The following PRRC2C variants were observed in gnomAD, a reference collection of about 807,000 sequenced individuals.
The protein encoded by PRRC2C is protein PRRC2C.
A neutral mutation model predicts 317.2 loss-of-function variants in PRRC2C; 72 were observed. That is an observed-to-expected ratio of 0.23 (90% CI 0.19 to 0.28). PRRC2C has a LOEUF of 0.28. Ranked by LOEUF, PRRC2C falls within the 10% of genes least tolerant of loss-of-function variation. The pLI is 1.00. For missense variants in PRRC2C, 3,074 were observed against 3,459.7 expected (o/e 0.89, Z 2.80); for synonymous variants, 1,296 against 1,205.9 (o/e 1.07, Z -1.55).
At chr1:171,516,732 C>T (rs931063426) in intron 5 of PRRC2C, among the ~76,000 whole-genome samples, 7 of 152,166 alleles carry the variant, frequency 4.6e-5, no homozygotes, top group African/African-American at 1.7e-4. Flanking sequence ...GACTCTCTCT[C>T]AAAGCCGCGA....
At chr1:171,560,394 A>G (rs1050061123) in intron 19 of PRRC2C, among the ~76,000 whole-genome samples, 1 of 48,554 alleles carries the variant, frequency 2.1e-5, no homozygotes, top group Admixed American at 1.7e-4. Flanking sequence ...TGATTAAACA[A>G]TGGGATTTGA....
At chr1:171,554,379 T>G (rs1680923343) in intron 18 of PRRC2C, among the ~76,000 whole-genome samples, 1 of 152,178 alleles carries the variant, frequency 6.6e-6, no homozygotes, top group Non-Finnish European at 1.5e-5. Context: ...GTGAGATGGG[T>G]CTCCTGAATA....
rs1681741410 is a variant in PRRC2C at position 171,557,799 on chromosome 1, C to T, written c.5687C>T (p.Pro1896Leu). The change falls in exon 19 of 35, where the codon CCA (proline) becomes CTA (leucine). Residue 1896 changes from proline to leucine, a missense_variant. Pro to Leu is a moderately conservative substitution (Grantham distance 98, BLOSUM62 -3). Around this residue, in one of 11 missense-constraint regions of PRRC2C, gnomAD observed 640 missense variants for 676.1 expected, o/e 0.95. Coordinates refer to ENST00000647382, the MANE Select transcript of PRRC2C (RefSeq NM_001387844.1). ...CCAGTCATCACAGCACCAACTATCC[C>T]AGCCTCAGCCCCAACTGCCTCAGTC... ...AAPVITAPTI[P>L]ASAPTASVPL... The T allele has an allele frequency of 1.3e-6, 2 of 1,550,762 alleles. No homozygotes were observed. The highest frequency in any genetic ancestry group is 2.0e-5 in the Admixed American group (1 of 50,952).
intron 16 of PRRC2C, among the ~76,000 whole-genome samples, chr1:171,543,160 G>A (rs1678314340): frequency 6.7e-6 from 1 of 148,776 alleles, no homozygotes; most frequent in Non-Finnish European, 1.5e-5. Context: ...ACAAGGTCAG[G>A]ATATCGAGAC....
At chr1:171,491,791 TAA>T (rs1667206150) in intron 1 of PRRC2C, among the ~76,000 whole-genome samples, 1 of 152,164 alleles carries the variant, frequency 6.6e-6, no homozygotes, top group South Asian at 2.1e-4. Context: ...AGAAGAGTGA[TAA>T]GAGTAAAACA....
rs762526648 is a variant in PRRC2C, at chr1:171,589,319, T to G, written c.8200-50T>G. On this transcript the variant is annotated intron_variant, in intron 33 of 34. Transcript: ENST00000647382. ...TGGTCTAGTTGGCAGTTTTTTTTTT[T>G]TTTTTTTTTTTAACAGTTCAATGTT... 326 of 708,078 alleles carry G rather than the reference T, an allele frequency of 4.6e-4. 3 individuals are homozygous for G. In the Middle Eastern group the frequency reaches 7.3e-3, roughly 16 times the overall value. 43.9% of individuals were successfully genotyped at this position (708,078 alleles called of 1,614,324 possible). A position where few individuals can be genotyped will look rare whatever the true frequency, so the allele number is the denominator to read the frequency against.
Position 171,557,677 on chromosome 1 carries a change from C to T in PRRC2C, c.5565C>T (p.Val1855=). Residue 1855 remains valine (V), a synonymous_variant, in exon 19 of 35, where the codon GTC becomes GTT. Coordinates refer to ENST00000647382, the MANE Select transcript of PRRC2C (RefSeq NM_001387844.1). ...CCTCAGTTTCAACCCCAGCTTCTGT[C>T]ACCATTCTTGCCTCAGCCTCAATTC... ...ILASVSTPAS[V]TILASASIPI... The T allele has an allele frequency of 6.4e-7, 1 of 1,551,542 alleles. No individual in the cohort carries two copies. The highest frequency in any genetic ancestry group is 8.7e-7 in the Non-Finnish European group (1 of 1,146,966).
chr1:171,591,843 C>A lies in PRRC2C; in HGVS notation c.8693C>A (p.Ser2898Tyr), dbSNP rs778428592. 6.3e-7 allele frequency: 1 copy of A among 1,581,450 alleles called. No homozygotes were observed. Among genetic ancestry groups the A allele is most frequent in the Non-Finnish European group, 8.6e-7 (1 of 1,163,154 alleles). Residue 2898 changes from serine (S) to tyrosine (Y), a missense_variant, in exon 35 of 35, where the codon TCT becomes TAT. Ser to Tyr is a moderately radical substitution (Grantham distance 144). Around this residue, in one of 11 missense-constraint regions of PRRC2C, gnomAD observed 78 missense variants for 97.7 expected, o/e 0.80. Transcript: ENST00000647382. Reference sequence around the variant, plus strand: ...GCGATCAAAACCGAAGAAACAAAATCTTAAAGGCTATGGTTTATTGCAGGG... The same window carrying A: ...GCGATCAAAACCGAAGAAACAAAATATTAAAGGCTATGGTTTATTGCAGGG... ...PQAIKTEETKS is the reference protein window; with the variant it reads ...PQAIKTEETKY
chr1:171,512,388 T>C (rs1398037461), intron 2 of PRRC2C, 188 bp downstream of exon 2: 7 of 497,662 alleles, frequency 1.4e-5, no homozygotes, highest in Non-Finnish European at 2.3e-5. Flanking sequence ...AATTTATACT[T>C]TCATAGAGCC....
chr1:171,513,048 A>G lies in PRRC2C; in HGVS notation c.166A>G (p.Met56Val). The change falls in exon 3 of 35, where the codon ATG (methionine) becomes GTG (valine). Residue 56 changes from methionine to valine, a missense_variant. Around this residue, in one of 11 missense-constraint regions of PRRC2C, gnomAD observed 71 missense variants for 118.9 expected, o/e 0.60. Coordinates refer to ENST00000647382, the MANE Select transcript of PRRC2C (RefSeq NM_001387844.1). ...SLGKVGISRR[M>V]PPPANLPSLK... ...TGGAAAAGTCGGTATTTCACGGCGTATGCCTCCACCTGCTAACCTCCCAAG... is the reference window on the plus strand; with the variant it reads ...TGGAAAAGTCGGTATTTCACGGCGTGTGCCTCCACCTGCTAACCTCCCAAG... The G allele has an allele frequency of 6.2e-7, 1 of 1,613,864 alleles. No individual in the cohort carries two copies. The highest frequency in any genetic ancestry group is 8.5e-7 in the Non-Finnish European group (1 of 1,179,798).
chr1:171,586,220 G>C (rs1649924303), intron 30 of PRRC2C, among the ~76,000 whole-genome samples: 1 of 150,550 alleles, frequency 6.6e-6, no homozygotes, highest in Non-Finnish European at 1.5e-5. Context: ...CCACCACCAT[G>C]CCTGGCTAAT....
At chr1:171,524,006 A>C (rs1351490930) in intron 9 of PRRC2C, among the ~76,000 whole-genome samples, 1 of 151,858 alleles carries the variant, frequency 6.6e-6, no homozygotes. Context: ...ACTGCACTCC[A>C]GTCTGGGTGA....
chr1:171,578,533 G>A (rs1037645138), intron 26 of PRRC2C, among the ~76,000 whole-genome samples: 24 of 151,626 alleles, frequency 1.6e-4, no homozygotes, highest in Admixed American at 1.4e-3. Context: ...CTGTCTCGTC[G>A]TAATAATATG....
chr1:171,500,137 T>C (rs1389461828), intron 1 of PRRC2C, among the ~76,000 whole-genome samples: 1 of 152,192 alleles, frequency 6.6e-6, no homozygotes, highest in East Asian at 1.9e-4. Context: ...AAACAGAGCT[T>C]GGATATTTAG....
In PRRC2C at chr1:171,591,665, G is replaced by C. The variant is rs1651470435; in HGVS notation, c.8515G>C (p.Gly2839Arg). Reference sequence around the variant, plus strand: ...GCAACAGAGCAAACAGATAGGAGGAGGCAAAGCCCAGAAAGTGGACAGTGA... The same window carrying C: ...GCAACAGAGCAAACAGATAGGAGGACGCAAAGCCCAGAAAGTGGACAGTGA... ...EQQQSKQIGG[G>R]KAQKVDSDSS... Residue 2839 changes from glycine (G) to arginine (R), a missense_variant, in exon 35 of 35, where the codon GGC becomes CGC. Gly to Arg is a moderately radical substitution (Grantham distance 125). This residue lies in a region of PRRC2C where 78 missense variants were observed against 97.7 expected (regional missense o/e 0.80). Transcript: ENST00000647382. The C allele has an allele frequency of 1.9e-6, 3 of 1,613,796 alleles. No homozygotes were observed. The highest frequency in any genetic ancestry group is 2.5e-6 in the Non-Finnish European group (3 of 1,179,868).
intron 10 of PRRC2C, 88 bp downstream of exon 10, chr1:171,525,053 C>A: frequency 9.1e-7 from 1 of 1,099,268 alleles, no homozygotes; most frequent in Non-Finnish European, 1.2e-6. Flanking sequence ...ATTCTTACCA[C>A]AGAGTGGAAC....
intron 27 of PRRC2C, among the ~76,000 whole-genome samples, 166 bp downstream of exon 27, chr1:171,579,632 T>C (rs1479614279): frequency 6.6e-6 from 1 of 152,226 alleles, no homozygotes; most frequent in Non-Finnish European, 1.5e-5. Context: ...TACCAAAGCT[T>C]AATAGTAATA....
chr1:171,574,888 ACAT>A (rs1558033861), intron 24 of PRRC2C, 36 bp from the exon 25 acceptor site: 3 of 1,568,282 alleles, frequency 1.9e-6, no homozygotes, highest in South Asian at 1.1e-5. Flanking sequence ...TTCTGTATTA[ACAT>A]CATTTTTTTA....
intron 20 of PRRC2C, among the ~76,000 whole-genome samples, chr1:171,562,156 G>C (rs1250612974): frequency 6.6e-6 from 1 of 152,208 alleles, no homozygotes; most frequent in Non-Finnish European, 1.5e-5. Flanking sequence ...GGATATAAGA[G>C]AGTATGCTAT....
Sources: gnomAD v4.1 joint callset for allele counts (sites outside exome capture counted in the v4.1 genomes callset) on GRCh38, gnomAD v4.1.1 for gene constraint, gnomAD v4.1.1 regional missense constraint, MANE v1.5 for transcripts, NCBI Gene and HGNC (gene_info 2026-07-23, HGNC 2026-07-21) for gene names.